Variants in DPH6 observed in about 807,000 individuals in gnomAD.
The protein encoded by DPH6 is diphthine--ammonia ligase.
In DPH6, 33 loss-of-function variants were observed where a neutral mutation model predicts 38.2. That is an observed-to-expected ratio of 0.86 (90% confidence interval 0.65 to 1.15). The LOEUF (loss-of-function observed/expected upper bound fraction) is 1.15, where lower values mean the gene tolerates loss of function less well. Among genes scored for constraint, DPH6 ranks in the 50% most tolerant of loss-of-function variants. The pLI is 0.00. For synonymous variants in DPH6, 108 were observed against 103.0 expected (o/e 1.05, Z -0.30); for missense variants, 325 against 320.0 (o/e 1.02, Z -0.12).
downstream of DPH6, among the ~76,000 whole-genome samples, chr15:35,215,881 C>G (rs2051408899): frequency 6.6e-6 from 1 of 152,220 alleles, no homozygotes. Context: ...AAACCTGGGA[C>G]ACAATTATAA....
At chr15:35,531,475 A>T (rs1220185816) in intron 3 of DPH6, among the ~76,000 whole-genome samples, 1 of 152,076 alleles carries the variant, frequency 6.6e-6, no homozygotes, top group African/African-American at 2.4e-5. Flanking sequence ...TAATTACATT[A>T]AAAAAATTTT....
chr15:35,493,771 G>A (rs913852251), intron 3 of DPH6, among the ~76,000 whole-genome samples: 2 of 152,114 alleles, frequency 1.3e-5, no homozygotes, highest in African/African-American at 4.8e-5. Flanking sequence ...TTAGAATAAT[G>A]GTTTAGGAAT....
intron 3 of DPH6, among the ~76,000 whole-genome samples, chr15:35,334,886 A>G (rs1477203437): frequency 1.3e-5 from 2 of 152,074 alleles, no homozygotes; most frequent in African/African-American, 4.8e-5. Flanking sequence ...ATGTATCTTT[A>G]TAATAATTTA....
chr15:35,146,166 A>T, the DPH6 span, among the ~76,000 whole-genome samples: 2 of 151,842 alleles, frequency 1.3e-5, no homozygotes, highest in African/African-American at 4.8e-5. Context: ...AATATATATT[A>T]CTTCAATAAC....
intron 3 of DPH6, chr15:35,298,530 G>A (rs1471823965): frequency 2.6e-6 from 2 of 779,416 alleles, no homozygotes; most frequent in Non-Finnish European, 2.4e-6. Context: ...TTCCTTAGTA[G>A]GACCACTTTA....
chr15:35,484,247 AT>A (rs1323714282), intron 3 of DPH6, among the ~76,000 whole-genome samples: 4 of 152,244 alleles, frequency 2.6e-5, no homozygotes, highest in Admixed American at 6.5e-5. Flanking sequence ...TAATTTTTAC[AT>A]CTGAGTATAT....
chr15:35,435,398 T>C (rs373466189), intron 5 of DPH6, among the ~76,000 whole-genome samples: 28 of 152,160 alleles, frequency 1.8e-4, no homozygotes, highest in African/African-American at 3.1e-4. Flanking sequence ...TGAGCAGTAA[T>C]TGATAGATGC....
At chr15:35,469,940 G>A (rs1365763563) in intron 3 of DPH6, among the ~76,000 whole-genome samples, 1 of 152,186 alleles carries the variant, frequency 6.6e-6, no homozygotes, top group African/African-American at 2.4e-5. Flanking sequence ...GCTCACACCT[G>A]TAATCACAGC....
At chr15:35,535,517 C>T (rs1196958543) in intron 3 of DPH6, among the ~76,000 whole-genome samples, 1 of 152,114 alleles carries the variant, frequency 6.6e-6, no homozygotes, top group Non-Finnish European at 1.5e-5. Context: ...AATATAATCC[C>T]TACATATATT....
intron 3 of DPH6, among the ~76,000 whole-genome samples, chr15:35,473,957 T>TGTGTGCGCGC (rs1480867662): frequency 5.2e-5 from 2 of 38,424 alleles, no homozygotes; most frequent in Admixed American, 5.0e-4. Flanking sequence ...TGTGTGTGTG[T>TGTGTGCGCGC]GCGCGCGCGC....
intron 3 of DPH6, among the ~76,000 whole-genome samples, chr15:35,514,741 C>A (rs2054822145): frequency 6.6e-6 from 1 of 152,044 alleles, no homozygotes; most frequent in South Asian, 2.1e-4. Context: ...TAAATTCTAA[C>A]CCTGAACTGA....
chr15:35,502,673 T>TA (rs1211857507), intron 3 of DPH6, among the ~76,000 whole-genome samples: 1 of 151,736 alleles, frequency 6.6e-6, no homozygotes, highest in Non-Finnish European at 1.5e-5. Flanking sequence ...CTGAAAAATC[T>TA]AAAAAAGCTA....
In DPH6 at chr15:35,224,431, C is replaced by T. The variant is rs551801493; in HGVS notation, n.201-3849G>A. Among the ~76,000 whole-genome samples the T allele has an allele frequency of 7.2e-5, 11 of 152,198 alleles. No homozygotes were observed. The South Asian group carries it at 1.9e-3, about 26-fold the overall frequency. On this transcript the variant is annotated intron_variant and non_coding_transcript_variant, in intron 3 of 3. Transcript: ENST00000560386. ...CTGATTTTAGCTTTGAATAATATTCCGTTGGATGGATGTACTAAAGTTTGT... is the reference window on the plus strand; with the variant it reads ...CTGATTTTAGCTTTGAATAATATTCTGTTGGATGGATGTACTAAAGTTTGT...
the DPH6 span, among the ~76,000 whole-genome samples, chr15:35,147,355 T>C: frequency 6.6e-6 from 1 of 152,234 alleles, no homozygotes; most frequent in African/African-American, 2.4e-5. Flanking sequence ...TTTCATCATT[T>C]ATTTTTTTAA....
chr15:35,469,727 T>C (rs2054173666), intron 3 of DPH6, among the ~76,000 whole-genome samples: 1 of 152,170 alleles, frequency 6.6e-6, no homozygotes, highest in Non-Finnish European at 1.5e-5. Flanking sequence ...CAGTTGGTTA[T>C]GGAGTTCAAA....
chr15:35,381,892 C>T lies in DPH6; in HGVS notation c.592G>A (p.Val198Ile), dbSNP rs2140939382. Residue 198 changes from valine (V) to isoleucine (I), a missense_variant, in exon 7 of 9, where the codon GTT becomes ATT. Physicochemically the swap from Val to Ile is conservative, Grantham distance 29. Transcript: ENST00000256538. ...TCATACTCTCCACCTTCTCCACAAA[C>T]ATGTACTCCATACTTCTTAGAAAGC... ...IELSKKYGVH[V>I]CGEGGEYETF... 2.5e-6 allele frequency: 4 copies of T among 1,613,510 alleles called. No homozygotes were observed. The highest frequency in any genetic ancestry group is 3.4e-6 in the Non-Finnish European group (4 of 1,179,698).
At chr15:35,508,790 T>C (rs2054729673) in intron 3 of DPH6, among the ~76,000 whole-genome samples, 1 of 152,104 alleles carries the variant, frequency 6.6e-6, no homozygotes, top group African/African-American at 2.4e-5. Flanking sequence ...GACCATCCCT[T>C]TAGGGAGAAA....
At chr15:35,239,540 A>T (rs185239559) in intron 3 of DPH6, among the ~76,000 whole-genome samples, 1 of 142,628 alleles carries the variant, frequency 7.0e-6, no homozygotes, top group Non-Finnish European at 1.5e-5. Flanking sequence ...CTGGGGAAGG[A>T]GCAAGTACCC....
At chr15:35,526,154 C>T (rs2054998560) in intron 3 of DPH6, among the ~76,000 whole-genome samples, 1 of 152,164 alleles carries the variant, frequency 6.6e-6, no homozygotes, top group Non-Finnish European at 1.5e-5. Context: ...GGTTATTTAT[C>T]AAATGATCAT....
Sources: allele counts gnomAD v4.1 joint callset (sites outside exome capture counted in the v4.1 genomes callset), GRCh38; gene constraint gnomAD v4.1.1; transcripts MANE v1.5; gene names NCBI Gene and HGNC (gene_info 2026-07-23, HGNC 2026-07-21).